Variants in WWOX observed in about 807,000 individuals in gnomAD.
WWOX encodes WW domain-containing oxidoreductase.
A neutral mutation model predicts 46.2 loss-of-function variants in WWOX; 69 were observed. The ratio of observed to expected loss-of-function variants is 1.49; its 90% CI spans 1.23 to 1.82. The LOEUF (loss-of-function observed/expected upper bound fraction) is 1.82, where lower values mean the gene tolerates loss of function less well. Ranked by LOEUF, WWOX falls within the 40% of genes most tolerant of loss-of-function variation. The pLI, the probability that WWOX is intolerant of heterozygous loss-of-function variation, is 0.00. For synonymous variants in WWOX, 359 were observed against 202.6 expected (o/e 1.77, Z -6.56); for missense variants, 919 against 542.6 (o/e 1.69, Z -6.89).
At chr16:79,040,573 G>A (rs1462112559) in intron 8 of WWOX, among the ~76,000 whole-genome samples, 4 of 152,120 alleles carry the variant, frequency 2.6e-5, no homozygotes, top group South Asian at 2.1e-4. Flanking sequence ...ACTGGGCCTG[G>A]CCTGAGTTGA....
chr16:78,160,668 T>C (rs2034764974), intron 4 of WWOX, among the ~76,000 whole-genome samples: 1 of 152,258 alleles, frequency 6.6e-6, no homozygotes, highest in African/African-American at 2.4e-5. Flanking sequence ...TACTTTCTAA[T>C]TTTAATCTTT....
At position 78,840,492 on chromosome 16, in the gene WWOX, G is replaced by T. The variant is rs148815963; in HGVS notation, c.1057-371116G>T. Among the ~76,000 whole-genome samples, 945 of 152,292 alleles carry T rather than the reference G, an allele frequency of 6.2e-3. 21 individuals carry two copies. Among genetic ancestry groups the T allele is most frequent in the Non-Finnish European group, 5.1e-3 (350 of 68,034 alleles). On this transcript the variant is annotated intron_variant, in intron 8 of 8. Transcript: ENST00000566780. ...TGGCATGATCCCACTACTTAGGGAG[G>T]CTAATTATGTAGTGTCTACAGAGCC...
intron 8 of WWOX, among the ~76,000 whole-genome samples, chr16:78,521,010 C>G (rs142040924): frequency 1.3e-5 from 2 of 152,170 alleles, no homozygotes; most frequent in Admixed American, 6.5e-5. Flanking sequence ...TTTGCAGGGT[C>G]AAGGAGATTG....
intron 6 of WWOX, among the ~76,000 whole-genome samples, chr16:78,388,823 A>G (rs953912390): frequency 5.5e-5 from 8 of 146,440 alleles, no homozygotes; most frequent in Non-Finnish European, 7.5e-5. Flanking sequence ...TGCAAAATTA[A>G]CTGGGCGGGG....
chr16:78,504,447 C>G (rs1342645067), intron 8 of WWOX, among the ~76,000 whole-genome samples: 2 of 152,188 alleles, frequency 1.3e-5, no homozygotes, highest in Non-Finnish European at 2.9e-5. Flanking sequence ...CTCAGATTTT[C>G]AAGAATCCTC....
intron 8 of WWOX, among the ~76,000 whole-genome samples, chr16:78,499,699 T>A (rs1392372129): frequency 6.6e-6 from 1 of 152,194 alleles, no homozygotes; most frequent in Non-Finnish European, 1.5e-5. Context: ...ATAAGAACCA[T>A]GTCTTATTTT....
At chr16:78,670,279 T>C (rs2047428780) in intron 8 of WWOX, among the ~76,000 whole-genome samples, 1 of 152,148 alleles carries the variant, frequency 6.6e-6, no homozygotes, top group Non-Finnish European at 1.5e-5. Flanking sequence ...TATCCTTGGA[T>C]GTTTTTCTGT....
chr16:78,752,478 G>T (rs2049508695), intron 8 of WWOX, among the ~76,000 whole-genome samples: 1 of 152,128 alleles, frequency 6.6e-6, no homozygotes, highest in South Asian at 2.1e-4. Flanking sequence ...AGTAGACACG[G>T]GATTTCGCCC....
At chr16:78,587,427 G>C (rs1057446167) in intron 8 of WWOX, among the ~76,000 whole-genome samples, 1 of 152,030 alleles carries the variant, frequency 6.6e-6, no homozygotes, top group Non-Finnish European at 1.5e-5. Flanking sequence ...AAACAATTCA[G>C]CAACTCTCTT....
At chr16:78,109,972 A>G (rs1371440839) in intron 3 of WWOX, 137 bp downstream of exon 3, 5 of 906,286 alleles carry the variant, frequency 5.5e-6, no homozygotes, top group Admixed American at 2.1e-5. Flanking sequence ...AGAAGTGACT[A>G]CTTTTAACAT....
chr16:78,544,202 G>A (rs549510148), intron 8 of WWOX, among the ~76,000 whole-genome samples: 3 of 152,258 alleles, frequency 2.0e-5, no homozygotes, highest in African/African-American at 4.8e-5. Context: ...TATTTTGGTA[G>A]GAAATAGAGA....
intron 8 of WWOX, among the ~76,000 whole-genome samples, chr16:78,931,746 G>C (rs1178324102): frequency 2.6e-5 from 4 of 152,214 alleles, no homozygotes; most frequent in Non-Finnish European, 5.9e-5. Flanking sequence ...GCAGAAGTTT[G>C]AAGGCAATTC....
At chr16:78,190,566 C>G (rs1392011142) in intron 5 of WWOX, among the ~76,000 whole-genome samples, 2 of 152,188 alleles carry the variant, frequency 1.3e-5, no homozygotes, top group Non-Finnish European at 2.9e-5. Context: ...CCAGCCAACT[C>G]TATTGTGCAC....
intron 8 of WWOX, among the ~76,000 whole-genome samples, chr16:78,726,949 G>T (rs937578016): frequency 6.6e-6 from 1 of 152,186 alleles, no homozygotes; most frequent in Admixed American, 6.5e-5. Context: ...GCACAGTGCT[G>T]AGCTTTTGTG....
At chr16:78,911,299 C>G (rs901998330) in intron 8 of WWOX, among the ~76,000 whole-genome samples, 5 of 152,052 alleles carry the variant, frequency 3.3e-5, no homozygotes, top group Non-Finnish European at 7.4e-5. Flanking sequence ...GGGACATGTT[C>G]CCATTTCAGT....
At chr16:78,327,984 C>A (rs906536305) in intron 5 of WWOX, among the ~76,000 whole-genome samples, 9 of 151,410 alleles carry the variant, frequency 5.9e-5, no homozygotes, top group African/African-American at 1.9e-4. Context: ...TCAAGCCAGC[C>A]GCCCATCTCA....
chr16:78,501,310 T>A (rs1567609098), intron 8 of WWOX, among the ~76,000 whole-genome samples: 1 of 151,040 alleles, frequency 6.6e-6, no homozygotes, highest in Non-Finnish European at 1.5e-5. Flanking sequence ...TTTGTGTAAA[T>A]GTTTTGGCAT....
intron 5 of WWOX, among the ~76,000 whole-genome samples, chr16:78,324,271 G>T (rs750891521): frequency 6.6e-6 from 1 of 152,088 alleles, no homozygotes; most frequent in Non-Finnish European, 1.5e-5. Context: ...TTGAAATGTA[G>T]AAGTGAAAAG....
intron 8 of WWOX, among the ~76,000 whole-genome samples, chr16:79,183,365 G>A (rs2050950161): frequency 6.6e-6 from 1 of 152,246 alleles, no homozygotes; most frequent in Non-Finnish European, 1.5e-5. Context: ...AAGAAAAGAA[G>A]ATGCATTTTG....
Sources: gnomAD v4.1 joint callset for allele counts (sites outside exome capture counted in the v4.1 genomes callset) on GRCh38, gnomAD v4.1.1 for gene constraint, MANE v1.5 for transcripts, NCBI Gene and HGNC (gene_info 2026-07-23, HGNC 2026-07-21) for gene names.